The following ANKRD28 variants were observed in gnomAD, a reference collection of about 807,000 sequenced individuals.
ANKRD28 encodes the protein serine/threonine-protein phosphatase 6 regulatory ankyrin repeat subunit A.
In ANKRD28, 44 loss-of-function variants were observed where a neutral mutation model predicts 126.5. The observed-to-expected ratio is 0.35, with a 90% CI of 0.27 to 0.45. ANKRD28 has a LOEUF of 0.45. ANKRD28 is among the 20% of genes least tolerant of loss of function. ANKRD28 has a pLI of 1.00. For synonymous variants in ANKRD28, 442 were observed against 468.5 expected, an observed-to-expected ratio of 0.94 and a Z score of 0.73; for missense variants, 1,110 against 1,316.6, an observed-to-expected ratio of 0.84 and a Z score of 2.43.
chr3:15,778,248 T>C (rs565212205), intron 2 of ANKRD28, among the ~76,000 whole-genome samples: 1 of 152,174 alleles, frequency 6.6e-6, no homozygotes, highest in Non-Finnish European at 1.5e-5. Context: ...ACCCAGAGTA[T>C]GATAAATAGT....
chr3:15,753,955 G>A (rs564385124), intron 3 of ANKRD28, among the ~76,000 whole-genome samples: 26 of 152,150 alleles, frequency 1.7e-4, no homozygotes, highest in African/African-American at 5.3e-4. Flanking sequence ...AAAACAGAAG[G>A]TGGCTGGCAC....
At chr3:15,717,334 C>T (rs1231500439) in intron 8 of ANKRD28, among the ~76,000 whole-genome samples, 1 of 151,980 alleles carries the variant, frequency 6.6e-6, no homozygotes, top group East Asian at 1.9e-4. Flanking sequence ...TTACTTTCTA[C>T]ATACTGATAA....
chr3:15,715,039 T>C (rs1303141507), intron 8 of ANKRD28, among the ~76,000 whole-genome samples: 2 of 152,052 alleles, frequency 1.3e-5, no homozygotes, highest in Non-Finnish European at 2.9e-5. Context: ...TGTGGATACA[T>C]TTAAAAAAAT....
intron 14 of ANKRD28, among the ~76,000 whole-genome samples, chr3:15,700,071 T>C (rs1301766957): frequency 6.6e-6 from 1 of 152,214 alleles, no homozygotes; most frequent in African/African-American, 2.4e-5. Context: ...AAGGATGAGT[T>C]CATGTCCTTT....
rs748854814 is a variant in ANKRD28, at chr3:15,854,139, G to A, written c.27+5238C>T. Among the ~76,000 whole-genome samples, 1 of 152,146 alleles carries A rather than the reference G, an allele frequency of 6.6e-6. No individual in the cohort carries two copies. The highest frequency in any genetic ancestry group is 2.4e-5 in the African/African-American group (1 of 41,428). ...TGAGGATCCATACCTGCACATTCTT[G>A]CCAAAACCTTCGCAGGCCCTATTTT... On this transcript the variant is annotated intron_variant, in intron 1 of 27. Transcript: ENST00000399451. The surrounding 1 kb of genome is among the most constrained non-coding windows in gnomAD (Gnocchi z 4.1).
intron 3 of ANKRD28, among the ~76,000 whole-genome samples, chr3:15,765,058 T>C (rs116213976): frequency 1.3e-5 from 2 of 152,196 alleles, no homozygotes; most frequent in East Asian, 3.8e-4. Flanking sequence ...ATCAAAGGAA[T>C]ACTACTACTA....
chr3:15,676,209 C>T, intron 26 of ANKRD28: 2 of 400,060 alleles, frequency 5.0e-6, no homozygotes, highest in Non-Finnish European at 8.9e-6. Context: ...TCAAGCTCAG[C>T]CATAGGTCCC....
intron 2 of ANKRD28, among the ~76,000 whole-genome samples, chr3:15,793,868 C>T (rs904063174): frequency 1.3e-5 from 2 of 152,142 alleles, no homozygotes; most frequent in Admixed American, 1.3e-4. Context: ...GAGTTTGAGA[C>T]CAGCCTGGCC....
At chr3:15,766,102 T>C in intron 3 of ANKRD28, 132 bp downstream of exon 3, 1 of 639,634 alleles carries the variant, frequency 1.6e-6, no homozygotes, top group South Asian at 2.5e-5. Flanking sequence ...GGAATGAATA[T>C]AAAAATAAGT....
intron 1 of ANKRD28, among the ~76,000 whole-genome samples, chr3:15,806,675 C>CA (rs1484340412): frequency 6.6e-6 from 1 of 152,126 alleles, no homozygotes; most frequent in East Asian, 1.9e-4. Flanking sequence ...GCGCATGCCA[C>CA]CACGCCCAGC....
Position 15,677,462 on chromosome 3 carries a change from C to A in ANKRD28, c.2790+18G>T, listed in dbSNP as rs2067063605. On this transcript the variant is annotated intron_variant, in intron 25 of 27. Coordinates refer to ENST00000683139, the MANE Select transcript of ANKRD28 (RefSeq NM_001349278.2). ...TTAATATTAACAATGGAAACATATT[C>A]TTAAGATGTATACATACCTTGCTAC... 6.4e-7 allele frequency: 1 copy of A among 1,568,978 alleles called. No individual in the cohort carries two copies. Among genetic ancestry groups the A allele is most frequent in the Non-Finnish European group, 8.7e-7 (1 of 1,144,302 alleles).
intron 27 of ANKRD28, among the ~76,000 whole-genome samples, chr3:15,673,458 A>C (rs1007931553): frequency 6.6e-6 from 1 of 152,240 alleles, no homozygotes; most frequent in Non-Finnish European, 1.5e-5. Flanking sequence ...CAACTGACAA[A>C]GATTTCACTG....
At chr3:15,718,456 T>A in intron 8 of ANKRD28, among the ~76,000 whole-genome samples, 1 of 152,210 alleles carries the variant, frequency 6.6e-6, no homozygotes, top group East Asian at 1.9e-4. Flanking sequence ...ACCACTGGTT[T>A]GAGCATTTTA....
intron 8 of ANKRD28, among the ~76,000 whole-genome samples, chr3:15,719,167 C>T (rs1322958115): frequency 1.3e-5 from 2 of 152,058 alleles, no homozygotes; most frequent in Non-Finnish European, 2.9e-5. Flanking sequence ...AGTATGTATA[C>T]ATTTTGTCCT....
upstream of ANKRD28, among the ~76,000 whole-genome samples, chr3:15,802,244 T>C (rs369723639): frequency 1.2e-4 from 19 of 152,272 alleles, no homozygotes; most frequent in African/African-American, 4.6e-4. Context: ...ACAAAGATGA[T>C]TGGCCACTAT....
intron 1 of ANKRD28, among the ~76,000 whole-genome samples, chr3:15,851,687 C>A (rs2061655268): frequency 6.6e-6 from 1 of 152,190 alleles, no homozygotes; most frequent in African/African-American, 2.4e-5. Flanking sequence ...TGCTCATACG[C>A]TGCTGGGAAT....
intron 2 of ANKRD28, among the ~76,000 whole-genome samples, chr3:15,770,934 T>C (rs561197914): frequency 2.4e-4 from 36 of 152,316 alleles, no homozygotes; most frequent in African/African-American, 7.9e-4. Context: ...GTGCAAGCCA[T>C]TGCATAAAGC....
At chr3:15,773,305 T>C (rs1166538972) in intron 2 of ANKRD28, among the ~76,000 whole-genome samples, 6 of 152,138 alleles carry the variant, frequency 3.9e-5, no homozygotes, top group South Asian at 2.1e-4. Context: ...GGAAAATAAA[T>C]GCTTAAGCAT....
chr3:15,824,719 G>A (rs1489619710), intron 1 of ANKRD28, among the ~76,000 whole-genome samples: 4 of 152,192 alleles, frequency 2.6e-5, no homozygotes, highest in African/African-American at 9.7e-5. Context: ...ACACACTATT[G>A]GTGTGCTGAG....
Sources: gnomAD v4.1 joint callset for allele counts (sites outside exome capture counted in the v4.1 genomes callset) on GRCh38, gnomAD v4.1.1 for gene constraint, Gnocchi (gnomAD v3.1) non-coding constraint, MANE v1.5 for transcripts, NCBI Gene and HGNC (gene_info 2026-07-23, HGNC 2026-07-21) for gene names.